Variants in CADM2 observed in about 807,000 individuals in gnomAD.
The protein encoded by CADM2 is cell adhesion molecule 2, also known as immunoglobulin superfamily member 4D.
Under a neutral mutation model 49.8 loss-of-function variants are expected in CADM2, and 12 were observed. That is an observed-to-expected ratio of 0.24 (90% CI 0.15 to 0.39). CADM2 has a LOEUF of 0.39. Among genes scored for constraint, CADM2 ranks in the 10% least tolerant of loss-of-function variants. The pLI, the probability that CADM2 is intolerant of heterozygous loss-of-function variation, is 1.00. For missense variants in CADM2, 378 were observed against 492.3 expected, an observed-to-expected ratio of 0.77 and a Z score of 2.20; for synonymous variants, 214 against 175.4, an observed-to-expected ratio of 1.22 and a Z score of -1.74.
chr3:85,696,536 G>A (rs901075010), intron 1 of CADM2, among the ~76,000 whole-genome samples: 23 of 151,722 alleles, frequency 1.5e-4, no homozygotes, highest in Admixed American at 9.2e-4. Context: ...TCTTTTCCCC[G>A]GTGTATGTTT....
At chr3:85,980,972 G>A (rs1727407248) in intron 8 of CADM2, among the ~76,000 whole-genome samples, 1 of 151,238 alleles carries the variant, frequency 6.6e-6, no homozygotes, top group African/African-American at 2.4e-5. Flanking sequence ...CTAAAATTAT[G>A]ACAACTACTG....
At chr3:85,499,998 A>G (rs182095632) in intron 1 of CADM2, among the ~76,000 whole-genome samples, 4 of 152,336 alleles carry the variant, frequency 2.6e-5, no homozygotes, top group African/African-American at 9.6e-5. Context: ...GATATGTTTT[A>G]CAAATGTTAT....
rs2069680850 is a variant in CADM2 at position 85,766,865 on chromosome 3, A to G, written c.89-35182A>G. On this transcript the variant is annotated intron_variant, in intron 2 of 9. Transcript: ENST00000383699. ...TTTCTATTTCATTCAACTTGATAAT[A>G]TATGTTCTTAATCATGTGCTGAAAT... is the stretch of plus-strand genomic sequence containing the variant. 3.3e-5 allele frequency among the ~76,000 whole-genome samples: 5 copies of G among 152,134 alleles called. No individual in the cohort carries two copies. The South Asian group carries it at 8.3e-4, about 25-fold the overall frequency.
At chr3:85,337,397 A>G (rs956293902) in intron 1 of CADM2, among the ~76,000 whole-genome samples, 2 of 151,434 alleles carry the variant, frequency 1.3e-5, no homozygotes, top group East Asian at 1.9e-4. Context: ...GAGCCAAGTC[A>G]TATGTATCAT....
chr3:85,659,437 GGTTAAA>G lies in CADM2; in HGVS notation c.62-67079_62-67074del, dbSNP rs930840990. ...AGGAAATATTTCAATAAAAGTACTG[GGTTAAA>G]GTTAATCTAACTAAAAGGAAAAAAA... On this transcript the variant is annotated intron_variant, in intron 1 of 9. Coordinates refer to ENST00000383699, the MANE Select transcript of CADM2 (RefSeq NM_001167675.2). Among the ~76,000 whole-genome samples the G allele has an allele frequency of 1.6e-4, 24 of 151,558 alleles. No homozygotes were observed. In the South Asian group the frequency reaches 1.9e-3, roughly 12 times the overall value.
chr3:85,133,837 T>A (rs2039319413), intron 1 of CADM2, among the ~76,000 whole-genome samples: 1 of 152,224 alleles, frequency 6.6e-6, no homozygotes, highest in Admixed American at 6.5e-5. Flanking sequence ...TGGAGCTGCC[T>A]GCCAGTCCCG....
intron 2 of CADM2, among the ~76,000 whole-genome samples, chr3:85,768,173 G>T (rs945200992): frequency 2.0e-5 from 3 of 152,014 alleles, no homozygotes; most frequent in Non-Finnish European, 4.4e-5. Context: ...CTGGCCGGGC[G>T]CAGTGGCTCA....
At chr3:86,023,334 G>A (rs1444936297) in intron 8 of CADM2, among the ~76,000 whole-genome samples, 2 of 151,652 alleles carry the variant, frequency 1.3e-5, no homozygotes, top group Middle Eastern at 3.4e-3. Context: ...TTCAAAAACA[G>A]TTCTCCAGAA....
At position 85,745,541 on chromosome 3, in the gene CADM2, G is replaced by A. The variant is rs533970770; in HGVS notation, c.88+18993G>A. On this transcript the variant is annotated intron_variant, in intron 2 of 9. Coordinates refer to ENST00000383699, the MANE Select transcript of CADM2 (RefSeq NM_001167675.2). ...GTCTCAGAAAGAAAACAGTCAACAC[G>A]ATTCAGAAGTAAGATGTAACTTTAT... Among the ~76,000 whole-genome samples the A allele has an allele frequency of 2.0e-5, 3 of 152,102 alleles. No homozygotes were observed. In the South Asian group the frequency reaches 6.2e-4, roughly 32 times the overall value.
rs553800265 is a variant in CADM2, at chr3:85,146,538, A to G, written c.61+186870A>G. 7.5e-4 allele frequency among the ~76,000 whole-genome samples: 114 copies of G among 152,342 alleles called. 1 individual carries two copies. The highest frequency in any genetic ancestry group is 2.7e-3 in the African/African-American group (111 of 41,584). ...TTTAAAAGTTATTTCAAGAATAACT[A>G]ATGTTGAATATTCTTCATGAAAGTA... On this transcript the variant is annotated intron_variant, in intron 1 of 9. Coordinates refer to ENST00000383699, the MANE Select transcript of CADM2 (RefSeq NM_001167675.2).
chr3:84,994,001 AC>A (rs1254056002), intron 1 of CADM2, among the ~76,000 whole-genome samples: 4 of 152,202 alleles, frequency 2.6e-5, no homozygotes, highest in Non-Finnish European at 1.5e-5. Flanking sequence ...TAAGCTCAGG[AC>A]CTGCCGAACA....
intron 3 of CADM2, among the ~76,000 whole-genome samples, chr3:85,825,790 G>A (rs2108207335): frequency 6.6e-6 from 1 of 152,012 alleles, no homozygotes; most frequent in Non-Finnish European, 1.5e-5. Context: ...GGTTACAAAT[G>A]TTTTTTGTTT....
intron 1 of CADM2, among the ~76,000 whole-genome samples, chr3:85,057,476 C>G (rs1199375950): frequency 6.6e-6 from 1 of 152,028 alleles, no homozygotes; most frequent in Admixed American, 6.6e-5. Flanking sequence ...TGTGAGTATA[C>G]TAACATCATA....
chr3:85,118,820 G>A (rs761833838), intron 1 of CADM2, among the ~76,000 whole-genome samples: 6 of 152,272 alleles, frequency 3.9e-5, no homozygotes, highest in Admixed American at 2.0e-4. Context: ...CGCGATCTCC[G>A]CTCACTGCAA....
chr3:85,720,435 T>C (rs1156618817), intron 1 of CADM2, among the ~76,000 whole-genome samples: 1 of 152,236 alleles, frequency 6.6e-6, no homozygotes, highest in Non-Finnish European at 1.5e-5. Flanking sequence ...CTAATTCTTT[T>C]ATTTCCTCTT....
rs527612529 is a variant in CADM2, at chr3:86,037,899, C to T, written c.971-27706C>T. Among the ~76,000 whole-genome samples, 8 of 152,214 alleles carry T rather than the reference C, an allele frequency of 5.3e-5. No homozygotes were observed. The East Asian group carries it at 1.4e-3, about 26-fold the overall frequency. On this transcript the variant is annotated intron_variant, in intron 8 of 9. Transcript: ENST00000383699. ...CATGCAGGTTTGTTGCATAAGTATACATGTGCCATGGCGGTTTGCTGCACC... is the reference window on the plus strand; with the variant it reads ...CATGCAGGTTTGTTGCATAAGTATATATGTGCCATGGCGGTTTGCTGCACC...
chr3:85,151,676 A>C (rs1218842458), intron 1 of CADM2, among the ~76,000 whole-genome samples: 2 of 152,194 alleles, frequency 1.3e-5, no homozygotes, highest in Non-Finnish European at 2.9e-5. Context: ...TGTTATAACA[A>C]AATATCATCC....
chr3:85,435,288 T>A (rs1055077153), intron 1 of CADM2, among the ~76,000 whole-genome samples: 11 of 152,088 alleles, frequency 7.2e-5, no homozygotes, highest in African/African-American at 2.2e-4. Context: ...TGTTCCTCTG[T>A]TACTTTGCTG....
At chr3:86,045,686 T>G (rs538006919) in intron 8 of CADM2, among the ~76,000 whole-genome samples, 1 of 152,250 alleles carries the variant, frequency 6.6e-6, no homozygotes, top group South Asian at 2.1e-4. Flanking sequence ...TCCATGTTGT[T>G]TTTTAGCTCA....
Sources: gnomAD v4.1 joint callset for allele counts (sites outside exome capture counted in the v4.1 genomes callset) on GRCh38, gnomAD v4.1.1 for gene constraint, MANE v1.5 for transcripts, NCBI Gene and HGNC (gene_info 2026-07-23, HGNC 2026-07-21) for gene names.